The following EMP2 variants were observed in gnomAD, a reference collection of about 807,000 sequenced individuals.
EMP2 encodes epithelial membrane protein 2.
In EMP2, 19 loss-of-function variants were observed where a neutral mutation model predicts 13.7. The observed-to-expected ratio is 1.38, with a 90% CI of 0.97 to 2.03. The LOEUF (loss-of-function observed/expected upper bound fraction) is 2.03, where lower values mean the gene tolerates loss of function less well. Ranked by LOEUF, EMP2 falls within the 30% of genes most tolerant of loss-of-function variation. The pLI is 0.00. For synonymous variants in EMP2, 97 were observed against 84.7 expected, an observed-to-expected ratio of 1.15 and a Z score of -0.80; for missense variants, 253 against 220.7, an observed-to-expected ratio of 1.15 and a Z score of -0.93.
At chr16:10,554,504 G>A (rs1310454760) in intron 1 of EMP2, among the ~76,000 whole-genome samples, 1 of 152,108 alleles carries the variant, frequency 6.6e-6, no homozygotes, top group Admixed American at 6.6e-5. Context: ...ATACACCCAT[G>A]TTGCATCCTG....
chr16:10,543,514 T>C (rs1330622855), intron 3 of EMP2, 56 bp downstream of exon 3: 1 of 1,592,442 alleles, frequency 6.3e-7, no homozygotes, highest in Non-Finnish European at 8.6e-7. Context: ...GCCTCACTCC[T>C]GACCGTTCCT....
chr16:10,578,394 T>G (rs1316935295), intron 1 of EMP2, among the ~76,000 whole-genome samples: 1 of 152,170 alleles, frequency 6.6e-6, no homozygotes, highest in African/African-American at 2.4e-5. Context: ...AAGAAAGGAT[T>G]TAAGTGCCAT....
intron 4 of EMP2, among the ~76,000 whole-genome samples, chr16:10,533,301 G>C (rs2050622544): frequency 6.6e-6 from 1 of 152,176 alleles, no homozygotes; most frequent in South Asian, 2.1e-4. Flanking sequence ...GCCTCCCAAA[G>C]TGCTGGGATT....
chr16:10,568,161 C>T (rs2142206627), intron 1 of EMP2, among the ~76,000 whole-genome samples: 1 of 152,282 alleles, frequency 6.6e-6, no homozygotes, highest in African/African-American at 2.4e-5. Flanking sequence ...TGGGGCTTTA[C>T]TCTAAACCAA....
At chr16:10,537,770 A>ACG (rs2050660322) in intron 4 of EMP2, among the ~76,000 whole-genome samples, 158 bp downstream of exon 4, 1 of 151,672 alleles carries the variant, frequency 6.6e-6, no homozygotes, top group Non-Finnish European at 1.5e-5. Context: ...CCACACACAC[A>ACG]CACACACACA....
intron 1 of EMP2, among the ~76,000 whole-genome samples, chr16:10,579,364 A>T (rs528174582): frequency 6.6e-6 from 1 of 152,192 alleles, no homozygotes; most frequent in Non-Finnish European, 1.5e-5. Flanking sequence ...CTTTTAAAAA[A>T]TTTTTATGAT....
chr16:10,543,431 CTG>C, intron 3 of EMP2, 137 bp downstream of exon 3: 1 of 920,894 alleles, frequency 1.1e-6, no homozygotes, highest in South Asian at 1.5e-5. Flanking sequence ...CCAGCACACA[CTG>C]AGCAAACGCG....
chr16:10,571,000 T>C (rs1219387221), intron 1 of EMP2, among the ~76,000 whole-genome samples: 2 of 151,468 alleles, frequency 1.3e-5, no homozygotes, highest in Non-Finnish European at 2.9e-5. Flanking sequence ...GGCTCATGCC[T>C]GTAATCCCAG....
intron 1 of EMP2, among the ~76,000 whole-genome samples, chr16:10,551,429 C>T (rs1027973830): frequency 6.6e-6 from 1 of 152,142 alleles, no homozygotes; most frequent in African/African-American, 2.4e-5. Context: ...GTTTTTGAGA[C>T]AGAGTCTTGC....
chr16:10,575,119 T>C (rs1057012537), intron 1 of EMP2, among the ~76,000 whole-genome samples: 13 of 152,076 alleles, frequency 8.5e-5, no homozygotes, highest in African/African-American at 2.6e-4. Flanking sequence ...CTTGGGGAAT[T>C]TGAAATATCC....
intron 1 of EMP2, among the ~76,000 whole-genome samples, chr16:10,570,402 T>C (rs6498087): frequency 0.75 from 113,934 of 151,730 alleles, 43,700 homozygotes; most frequent in African/African-American, 0.91. Context: ...ATGTTTATTT[T>C]ATTTTATTTT....
intron 4 of EMP2, among the ~76,000 whole-genome samples, chr16:10,533,343 C>G (rs1417880800): frequency 6.6e-6 from 1 of 152,158 alleles, no homozygotes. Context: ...CAGCCTTAAG[C>G]TCTTATTATT....
chr16:10,557,708 G>C (rs1485939231), intron 1 of EMP2, among the ~76,000 whole-genome samples: 1 of 152,134 alleles, frequency 6.6e-6, no homozygotes, highest in Non-Finnish European at 1.5e-5. Context: ...ATGGTGAGCT[G>C]TCTTCAGATT....
At chr16:10,574,911 G>A (rs1055951876) in intron 1 of EMP2, among the ~76,000 whole-genome samples, 2 of 151,880 alleles carry the variant, frequency 1.3e-5, no homozygotes, top group Non-Finnish European at 2.9e-5. Context: ...GCTGGAGTAC[G>A]TGGAACAATC....
intron 4 of EMP2, among the ~76,000 whole-genome samples, chr16:10,534,701 G>T (rs921506662): frequency 6.6e-6 from 1 of 152,244 alleles, no homozygotes; most frequent in African/African-American, 2.4e-5. Context: ...GGAAGGCGGA[G>T]GTTGCAGCGA....
chr16:10,572,711 C>A (rs2354421), intron 1 of EMP2, among the ~76,000 whole-genome samples: 52,631 of 152,016 alleles, frequency 0.35, 9,555 homozygotes, highest in Non-Finnish European at 0.4. Flanking sequence ...ACCTCCTCGA[C>A]CCTCCACATG....
chr16:10,530,198 T>C lies in EMP2; in HGVS notation c.*2707A>G, dbSNP rs2050587236. On this transcript the variant is annotated 3_prime_UTR_variant, in exon 5 of 5. Transcript: ENST00000359543. The stretch of plus-strand genomic sequence containing the variant: ...TCCATAGGGAGGGGGTCCTATCTCA[T>C]AGACTCCAAACTTCATGATGGCAGG... The C allele has an allele frequency of 6.6e-6, 1 of 152,238 alleles. No individual in the cohort carries two copies. The highest frequency in any genetic ancestry group is 2.4e-5 in the African/African-American group (1 of 41,440). 9.4% of individuals were successfully genotyped at this position (152,238 alleles called of 1,614,324 possible). A position where few individuals can be genotyped will look rare whatever the true frequency, so the allele number is the denominator to read the frequency against.
chr16:10,555,226 C>T (rs2050818732), intron 1 of EMP2, among the ~76,000 whole-genome samples: 1 of 152,222 alleles, frequency 6.6e-6, no homozygotes, highest in Admixed American at 6.5e-5. Context: ...AGAATGCCCA[C>T]GACAATCTTT....
At position 10,569,569 on chromosome 16, in the gene EMP2, C is replaced by T. The variant is rs145325495; in HGVS notation, c.-61+10980G>A. Among the ~76,000 whole-genome samples, 774 of 152,234 alleles carry T rather than the reference C, an allele frequency of 5.1e-3. 8 individuals are homozygous for T. The highest frequency in any genetic ancestry group is 0.048 in the Middle Eastern group (14 of 294). On this transcript the variant is annotated intron_variant, in intron 1 of 4. Coordinates refer to ENST00000359543, the MANE Select transcript of EMP2 (RefSeq NM_001424.6). ...TCCTGGGCTCAAGTGATCCTCTCAC[C>T]TCAACCTCCCAAAGTGCTGAGTTTA...
Sources: allele counts gnomAD v4.1 joint callset (sites outside exome capture counted in the v4.1 genomes callset), GRCh38; gene constraint gnomAD v4.1.1; transcripts MANE v1.5; gene names NCBI Gene and HGNC (gene_info 2026-07-23, HGNC 2026-07-21).